DLG2: variants seen among roughly 807,000 people sequenced by gnomAD.
The protein encoded by DLG2 is discs large MAGUK scaffold protein 2, also known as disks large homolog 2.
Under a neutral mutation model 132.5 loss-of-function variants are expected in DLG2, and 45 were observed. The ratio of observed to expected loss-of-function variants is 0.34; its 90% CI spans 0.27 to 0.44. The LOEUF is 0.44. DLG2 is among the 20% of genes least tolerant of loss of function. DLG2 has a pLI of 1.00. For missense variants in DLG2, 1,045 were observed against 1,196.9 expected, an observed-to-expected ratio of 0.87 and a Z score of 1.87; for synonymous variants, 424 against 419.6, an observed-to-expected ratio of 1.01 and a Z score of -0.13.
At chr11:84,548,421 C>T (rs1190312253) in intron 6 of DLG2, among the ~76,000 whole-genome samples, 1 of 151,896 alleles carries the variant, frequency 6.6e-6, no homozygotes, top group Non-Finnish European at 1.5e-5. Context: ...CAATGCTATC[C>T]ATCCCCACCC....
intron 19 of DLG2, among the ~76,000 whole-genome samples, chr11:83,611,009 T>A (rs1471818330): frequency 6.6e-6 from 1 of 152,208 alleles, no homozygotes; most frequent in African/African-American, 2.4e-5. Flanking sequence ...ACAGGTTGCT[T>A]AAAAATTAAC....
At chr11:85,304,261 T>C (rs1294187020) in intron 3 of DLG2, among the ~76,000 whole-genome samples, 1 of 152,046 alleles carries the variant, frequency 6.6e-6, no homozygotes, top group African/African-American at 2.4e-5. Flanking sequence ...CATAGAGCAA[T>C]ATAAAAGGAA....
chr11:84,584,951 G>A (rs940947904), intron 6 of DLG2, among the ~76,000 whole-genome samples: 2 of 151,960 alleles, frequency 1.3e-5, no homozygotes, highest in Admixed American at 6.6e-5. Flanking sequence ...GCCTCCCAAA[G>A]TGCTGGGATT....
At chr11:85,106,064 A>G (rs1360712408) in intron 6 of DLG2, among the ~76,000 whole-genome samples, 2 of 151,822 alleles carry the variant, frequency 1.3e-5, no homozygotes, top group African/African-American at 4.8e-5. Context: ...TTTCAATTAG[A>G]CTGAATGATC....
intron 2 of DLG2, among the ~76,000 whole-genome samples, chr11:85,622,923 T>G (rs2081821742): frequency 6.6e-6 from 1 of 151,986 alleles, no homozygotes; most frequent in African/African-American, 2.4e-5. Context: ...CCAGGTGTGG[T>G]GGCACGCACC....
chr11:85,067,155 A>C (rs1379800775), intron 6 of DLG2, among the ~76,000 whole-genome samples: 2 of 151,810 alleles, frequency 1.3e-5, no homozygotes, highest in African/African-American at 4.8e-5. Context: ...GTATTCTCTG[A>C]TGGTAGTTTG....
intron 14 of DLG2, among the ~76,000 whole-genome samples, chr11:83,957,370 A>G (rs1054325710): frequency 8.5e-5 from 13 of 152,318 alleles, no homozygotes; most frequent in Non-Finnish European, 1.5e-4. Flanking sequence ...AGTAGTCAAA[A>G]CAGTCTGACT....
At chr11:84,404,484 A>G (rs1416009948) in intron 7 of DLG2, among the ~76,000 whole-genome samples, 1 of 152,170 alleles carries the variant, frequency 6.6e-6, no homozygotes, top group Non-Finnish European at 1.5e-5. Flanking sequence ...CTAGTATGGA[A>G]GGATGGAAAC....
intron 6 of DLG2, among the ~76,000 whole-genome samples, chr11:84,598,991 T>C (rs964100056): frequency 6.6e-6 from 1 of 151,988 alleles, no homozygotes; most frequent in East Asian, 1.9e-4. Context: ...ATGCCTGTAA[T>C]TGCAGCACTT....
intron 6 of DLG2, among the ~76,000 whole-genome samples, chr11:84,817,005 A>T (rs1361941259): frequency 1.3e-5 from 2 of 151,966 alleles, no homozygotes; most frequent in African/African-American, 4.8e-5. Flanking sequence ...TTCCTATTAC[A>T]TTATACTACA....
chr11:84,466,237 GAA>G (rs1478360228), intron 7 of DLG2, among the ~76,000 whole-genome samples: 1 of 151,090 alleles, frequency 6.6e-6, no homozygotes, highest in African/African-American at 2.4e-5. Flanking sequence ...AGTATTAGAA[GAA>G]AAGAGGAAAA....
intron 6 of DLG2, among the ~76,000 whole-genome samples, chr11:84,980,803 T>A (rs1592163040): frequency 6.6e-6 from 1 of 152,232 alleles, no homozygotes; most frequent in East Asian, 1.9e-4. Flanking sequence ...TCCGTGTGTA[T>A]TAATTTTTAT....
intron 21 of DLG2, among the ~76,000 whole-genome samples, chr11:83,520,812 C>T (rs549849303): frequency 6.6e-5 from 10 of 152,270 alleles, no homozygotes; most frequent in Admixed American, 2.0e-4. Flanking sequence ...TGCTATGACT[C>T]TTGTGTAGCT....
chr11:85,078,097 T>C (rs2066782797), intron 6 of DLG2, among the ~76,000 whole-genome samples: 1 of 151,534 alleles, frequency 6.6e-6, no homozygotes, highest in African/African-American at 2.4e-5. Flanking sequence ...GAGTCAGGTA[T>C]TGTTCTATGG....
intron 4 of DLG2, among the ~76,000 whole-genome samples, chr11:85,167,426 G>GGCAA (rs1284976743): frequency 2.0e-5 from 3 of 152,076 alleles, no homozygotes; most frequent in Non-Finnish European, 4.4e-5. Flanking sequence ...CCCAAAATAG[G>GGCAA]GCAATGTAGC....
chr11:84,288,078 C>T (rs1481602913), intron 7 of DLG2, among the ~76,000 whole-genome samples: 1 of 151,888 alleles, frequency 6.6e-6, no homozygotes, highest in Non-Finnish European at 1.5e-5. Context: ...GTCTGGGTAG[C>T]TATTCACTTC....
At chr11:84,112,792 C>T (rs552182785) in intron 9 of DLG2, among the ~76,000 whole-genome samples, 1 of 152,262 alleles carries the variant, frequency 6.6e-6, no homozygotes, top group African/African-American at 2.4e-5. Flanking sequence ...CTATTAGGTG[C>T]TACTCCCTTG....
intron 3 of DLG2, among the ~76,000 whole-genome samples, chr11:85,404,835 C>T (rs755347217): frequency 2.0e-5 from 3 of 151,874 alleles, no homozygotes; most frequent in East Asian, 3.9e-4. Flanking sequence ...TCTATCATAA[C>T]GTATCACAGA....
chr11:83,886,153 C>A (rs183196963), intron 15 of DLG2, among the ~76,000 whole-genome samples: 323 of 152,218 alleles, frequency 2.1e-3, no homozygotes, highest in African/African-American at 7.7e-3. Context: ...CACAGACTGG[C>A]AAATTGGATA....
Sources: allele counts gnomAD v4.1 joint callset (sites outside exome capture counted in the v4.1 genomes callset), GRCh38; gene constraint gnomAD v4.1.1; transcripts MANE v1.5; gene names NCBI Gene and HGNC (gene_info 2026-07-23, HGNC 2026-07-21).